AGXT: variants seen among roughly 807,000 people sequenced by gnomAD.
AGXT encodes the protein L-alanine: glyoxylate aminotransferase 1.
In AGXT, 41 loss-of-function variants were observed where a neutral mutation model predicts 46.9. The ratio of observed to expected loss-of-function variants is 0.88; its 90% confidence interval spans 0.68 to 1.14. The LOEUF (loss-of-function observed/expected upper bound fraction) is 1.14. Among genes scored for constraint, AGXT ranks in the 50% most tolerant of loss-of-function variants. AGXT has a pLI of 0.00. For synonymous variants in AGXT, 244 were observed against 227.9 expected, an observed-to-expected ratio of 1.07 and a Z score of -0.64; for missense variants, 525 against 522.7, an observed-to-expected ratio of 1.00 and a Z score of -0.04.
At chr2:240,878,454 C>A (rs2059040085) in intron 10 of AGXT, among the ~76,000 whole-genome samples, 1 of 152,234 alleles carries the variant, frequency 6.6e-6, no homozygotes, top group Non-Finnish European at 1.5e-5. Context: ...GGCTGTGTCT[C>A]TGAGTGGCAG....
Position 240,875,093 on chromosome 2 carries a change from G to C in AGXT, c.681-16G>C. ...AAACTGAGAGGCTGGTGCTCAGCCTGCTTCTTTCTCCCCAGAAAGAAGATG... is the reference window on the plus strand; with the variant it reads ...AAACTGAGAGGCTGGTGCTCAGCCTCCTTCTTTCTCCCCAGAAAGAAGATG... On this transcript the variant is annotated splice_polypyrimidine_tract_variant and intron_variant, in intron 6 of 10. Transcript: ENST00000307503. The C allele has an allele frequency of 6.3e-7, 1 of 1,583,296 alleles. No homozygotes were observed. Among genetic ancestry groups the C allele is most frequent in the Non-Finnish European group, 8.7e-7 (1 of 1,152,210 alleles).
intron 8 of AGXT, chr2:240,877,172 G>A (rs1039886000): frequency 8.9e-6 from 4 of 449,468 alleles, no homozygotes; most frequent in Non-Finnish European, 1.8e-5. Flanking sequence ...AGGAGAGGGG[G>A]CCTGGGAGCC....
chr2:240,878,999 G>A lies in AGXT; in HGVS notation c.*178G>A. The A allele has an allele frequency of 1.5e-6, 1 of 661,172 alleles. No homozygotes were observed. Among genetic ancestry groups the A allele is most frequent in the Non-Finnish European group, 2.7e-6 (1 of 372,012 alleles). 41.0% of individuals were successfully genotyped at this position (661,172 alleles called of 1,614,324 possible). A position where few individuals can be genotyped will look rare whatever the true frequency, so the allele number is the denominator to read the frequency against. On this transcript the variant is annotated 3_prime_UTR_variant, in exon 11 of 11. Transcript: ENST00000307503. ...GCCCCAGGCAGCCCTTTTCCCTCCA[G>A]TGGCACCTCCTGGAAACAGTCCACT... is the stretch of plus-strand genomic sequence containing the variant.
rs749247113 is a variant in AGXT, at chr2:240,871,336, C to T, written c.424-13C>T. Reference sequence around the variant, plus strand: ...CCTCTGAGCTCCACCCACAGCCGTCCCTGCTTCCTCAGGGCCTGGCCCAGC... The same window carrying T: ...CCTCTGAGCTCCACCCACAGCCGTCTCTGCTTCCTCAGGGCCTGGCCCAGC... On this transcript the variant is annotated splice_polypyrimidine_tract_variant and intron_variant, in intron 3 of 10. Coordinates refer to ENST00000307503, the MANE Select transcript of AGXT (RefSeq NM_000030.3). 1.9e-5 allele frequency: 29 copies of T among 1,566,370 alleles called. No individual in the cohort carries two copies. The South Asian group carries it at 3.3e-4, about 18-fold the overall frequency.
chr2:240,871,072 A>G, intron 3 of AGXT: 1 of 587,346 alleles, frequency 1.7e-6, no homozygotes, highest in Admixed American at 3.0e-5. Flanking sequence ...GCCTACCCGG[A>G]GTGTGGGGAC....
chr2:240,871,418 C>T lies in AGXT; in HGVS notation c.493C>T (p.Pro165Ser). The change falls in exon 4 of 11, where the codon CCC (proline) becomes TCC (serine). Residue 165 changes from proline (P) to serine (S), a missense_variant. Transcript: ENST00000307503. ...GGAGTCGTCCACCGGCGTGCTGCAG[C>T]CCCTTGATGGCTTCGGGGAACTCTG... is the stretch of plus-strand genomic sequence containing the variant. The part of the protein sequence containing the change: ...HGESSTGVLQ[P>S]LDGFGELCHR... 6.3e-7 allele frequency: 1 copy of T among 1,598,766 alleles called. No homozygotes were observed. The highest frequency in any genetic ancestry group is 8.5e-7 in the Non-Finnish European group (1 of 1,173,334).
At chr2:240,876,675 C>T (rs533775536) in intron 8 of AGXT, among the ~76,000 whole-genome samples, 2 of 152,376 alleles carry the variant, frequency 1.3e-5, no homozygotes, top group South Asian at 4.1e-4. Context: ...CAAGGCCGTG[C>T]CTGCCACGTT....
rs34664134 is a variant in AGXT, at chr2:240,873,044, G to A, written c.590G>A (p.Arg197Gln). Residue 197 changes from arginine to glutamine, a missense_variant, in exon 5 of 11, where the codon CGG becomes CAG. Physicochemically the swap from Arg to Gln is conservative, Grantham distance 43. Coordinates refer to ENST00000307503, the MANE Select transcript of AGXT (RefSeq NM_000030.3). ...GGCGGGACCCCCCTTTACATGGACC[G>A]GCAAGGTAAGGGTGGGCTCTGAGAG... The part of the protein sequence containing the change: ...SLGGTPLYMD[R>Q]QGIDILYSGS... 7,305 of 1,613,450 alleles carry A rather than the reference G, an allele frequency of 4.5e-3. 207 individuals carry two copies. In the East Asian group the frequency reaches 0.076, roughly 17 times the overall value.
chr2:240,872,204 G>A (rs1168056191), intron 4 of AGXT, among the ~76,000 whole-genome samples: 4 of 149,590 alleles, frequency 2.7e-5, no homozygotes, highest in Non-Finnish European at 6.0e-5. Context: ...ACATGCAGGC[G>A]GAGGAGGGTG....
intron 8 of AGXT, chr2:240,877,292 C>G (rs1022467352): frequency 3.0e-6 from 2 of 675,312 alleles, no homozygotes; most frequent in African/African-American, 1.8e-5. Context: ...TCTTCTCCCC[C>G]AGGGGCCACA....
At position 240,868,983 on chromosome 2, in the gene AGXT, G is replaced by A. The variant is rs1235145069; in HGVS notation, c.118G>A (p.Ala40Thr). 2.6e-6 allele frequency: 4 copies of A among 1,544,244 alleles called. No individual in the cohort carries two copies. Among genetic ancestry groups the A allele is most frequent in the Non-Finnish European group, 3.5e-6 (4 of 1,138,496 alleles). The change falls in exon 1 of 11, where the codon GCC becomes ACC. Residue 40 changes from alanine to threonine, a missense_variant. Ala to Thr is a moderately conservative substitution (Grantham distance 58). Coordinates refer to ENST00000307503, the MANE Select transcript of AGXT (RefSeq NM_000030.3). Reference sequence around the variant, plus strand: ...CAACCTGCCTCCTCGCATCATGGCAGCCGGGGGGCTGCAGATGATCGGGTC... The same window carrying A: ...CAACCTGCCTCCTCGCATCATGGCAACCGGGGGGCTGCAGATGATCGGGTC... ...PSNLPPRIMA[A>T]GGLQMIGSMS...
At position 240,877,806 on chromosome 2, in the gene AGXT, G is replaced by A. The variant is rs115930471; in HGVS notation, c.942+174G>A. On this transcript the variant is annotated intron_variant, in intron 9 of 10. Coordinates refer to ENST00000307503, the MANE Select transcript of AGXT (RefSeq NM_000030.3). Reference sequence around the variant, plus strand: ...CAGGAGCCACGAAGTCACAGCTCCCGGCCTCTGATGCGGGATCTCAGGACG... The same window carrying A: ...CAGGAGCCACGAAGTCACAGCTCCCAGCCTCTGATGCGGGATCTCAGGACG... Among the ~76,000 whole-genome samples, 1,424 of 152,294 alleles carry A rather than the reference G, an allele frequency of 9.4e-3. 15 individuals carry two copies. The highest frequency in any genetic ancestry group is 0.033 in the African/African-American group (1,363 of 41,574).
chr2:240,874,786 C>T (rs1047522499), intron 6 of AGXT, among the ~76,000 whole-genome samples: 2 of 152,210 alleles, frequency 1.3e-5, no homozygotes, highest in African/African-American at 4.8e-5. Flanking sequence ...AAAGCAGTCA[C>T]CTTTGGGTGA....
intron 1 of AGXT, 25 bp downstream of exon 1, chr2:240,869,055 G>C (rs369645178): frequency 6.2e-7 from 1 of 1,610,496 alleles, no homozygotes; most frequent in Non-Finnish European, 8.5e-7. Flanking sequence ...CACTCGGGGG[G>C]CCTGGGTCTC....
rs773705695 is a variant in AGXT at position 240,869,002 on chromosome 2, T to C, written c.137T>C (p.Ile46Thr). ...ATGGCAGCCGGGGGGCTGCAGATGA[T>C]CGGGTCCATGAGCAAGGATATGTAC... The part of the protein sequence containing the change: ...RIMAAGGLQM[I>T]GSMSKDMYQI... The change falls in exon 1 of 11, where the codon ATC (isoleucine) becomes ACC (threonine). Residue 46 changes from isoleucine to threonine, a missense_variant. Transcript: ENST00000307503. 1 of 1,474,500 alleles carries C rather than the reference T, an allele frequency of 6.8e-7. No homozygotes were observed. Among genetic ancestry groups the C allele is most frequent in the South Asian group, 1.2e-5 (1 of 84,508 alleles). 91.3% of individuals were successfully genotyped at this position (1,474,500 alleles called of 1,614,324 possible). A position where few individuals can be genotyped will look rare whatever the true frequency, so the allele number is the denominator to read the frequency against.
Position 240,879,037 on chromosome 2 carries a change from C to A in AGXT, c.*216C>A, listed in dbSNP as rs188003365. On this transcript the variant is annotated 3_prime_UTR_variant, in exon 11 of 11. Transcript: ENST00000307503. ...GAAACAGTCCACTTGGGCGCAAAAC[C>A]CAGTGCCTTCCAAATGAGCTGCAGT... The A allele has an allele frequency of 1.2e-4, 72 of 604,538 alleles. No individual in the cohort carries two copies. The African/African-American group carries it at 1.2e-3, about 10-fold the overall frequency. The allele number at this position is 604,538 out of a possible 1,614,324, so 37.4% of individuals were successfully genotyped here. A position where few individuals can be genotyped will look rare whatever the true frequency, so the allele number is the denominator to read the frequency against.
Position 240,869,332 on chromosome 2 carries a change from C to A in AGXT, c.328C>A (p.Gln110Lys). Residue 110 changes from glutamine to lysine, a missense_variant, in exon 2 of 11, where the codon CAG becomes AAG. Coordinates refer to ENST00000307503, the MANE Select transcript of AGXT (RefSeq NM_000030.3). ...GGTTGGGGCCAATGGCATTTGGGGG[C>A]AGCGAGCCGTGGACATCGGGGAGCG... ...FLVGANGIWG[Q>K]RAVDIGERIG... is the part of the protein sequence containing the mutation. The A allele has an allele frequency of 6.2e-7, 1 of 1,607,280 alleles. No individual in the cohort carries two copies. Among genetic ancestry groups the A allele is most frequent in the Non-Finnish European group, 8.5e-7 (1 of 1,175,868 alleles).
Position 240,878,044 on chromosome 2 carries a change from C to T in AGXT, c.965C>T (p.Thr322Ile). ...CAGGCGCTCCGGCTTCCCACAGTCA[C>T]CACTGTGGCTGTACCCGCTGGCTAT... is the stretch of plus-strand genomic sequence containing the variant. ...KDPALRLPTV[T>I]TVAVPAGYDW... is the part of the protein sequence containing the mutation. Residue 322 changes from threonine to isoleucine, a missense_variant, in exon 10 of 11, where the codon ACC becomes ATC. Physicochemically the swap from Thr to Ile is moderately conservative, Grantham distance 89 (BLOSUM62 -1). Coordinates refer to ENST00000307503, the MANE Select transcript of AGXT (RefSeq NM_000030.3). 2 of 1,612,838 alleles carry T rather than the reference C, an allele frequency of 1.2e-6. No individual in the cohort carries two copies. The highest frequency in any genetic ancestry group is 1.7e-6 in the Non-Finnish European group (2 of 1,180,012).
chr2:240,875,166 G>A lies in AGXT; in HGVS notation c.738G>A (p.Trp246Ter), dbSNP rs121908528. Residue 246 changes from tryptophan (W) to a stop codon, truncating the protein, a stop_gained, in exon 7 of 11, where the codon TGG becomes TGA. Transcript: ENST00000307503. LOFTEE classifies it high-confidence loss of function. Reference sequence around the variant, plus strand: ...TCTCCTTCTACCTGGACATCAAGTGGCTGGCCAACTTCTGGGGCTGTGACG... The same window carrying A: ...TCTCCTTCTACCTGGACATCAAGTGACTGGCCAACTTCTGGGGCTGTGACG... ...KPFSFYLDIKWLANFWGCDDQ... is the reference protein window; with the variant it reads ...KPFSFYLDIK The A allele has an allele frequency of 1.2e-6, 2 of 1,614,056 alleles. No homozygotes were observed. The highest frequency in any genetic ancestry group is 1.7e-6 in the Non-Finnish European group (2 of 1,179,912).
Sources: gnomAD v4.1 joint callset for allele counts (sites outside exome capture counted in the v4.1 genomes callset) on GRCh38, gnomAD v4.1.1 for gene constraint, MANE v1.5 for transcripts, NCBI Gene and HGNC (gene_info 2026-07-23, HGNC 2026-07-21) for gene names.